Variants in CYFIP1 observed in about 807,000 individuals in gnomAD.
The protein encoded by CYFIP1 is cytoplasmic FMR1 interacting protein 1, also known as cytoplasmic FMR1-interacting protein 1.
CYFIP1 carries 58 observed loss-of-function variants against 163.5 expected under a neutral mutation model. The ratio of observed to expected loss-of-function variants is 0.35; its 90% CI spans 0.29 to 0.44. CYFIP1 has a LOEUF of 0.44. CYFIP1 is among the 20% of genes least tolerant of loss of function. The pLI is 1.00. For missense variants in CYFIP1, 1,338 were observed against 1,653.8 expected (o/e 0.81, Z 3.31); for synonymous variants, 663 against 660.7 (o/e 1.00, Z -0.05).
intron 1 of CYFIP1, among the ~76,000 whole-genome samples, chr15:22,949,677 G>T (rs2062183983): frequency 6.6e-6 from 1 of 152,068 alleles, no homozygotes; most frequent in African/African-American, 2.4e-5. Flanking sequence ...GTATATAATT[G>T]TATAAATCAT....
chr15:22,956,915 TTC>T (rs1194645636), intron 1 of CYFIP1, among the ~76,000 whole-genome samples: 3 of 152,258 alleles, frequency 2.0e-5, no homozygotes, highest in Non-Finnish European at 2.9e-5. Flanking sequence ...ATGTATTTAC[TTC>T]TCTTTCCACC....
intron 11 of CYFIP1, among the ~76,000 whole-genome samples, chr15:22,930,491 C>T (rs370065467): frequency 2.0e-5 from 3 of 151,588 alleles, no homozygotes; most frequent in African/African-American, 7.3e-5. Context: ...CCTAAGGATG[C>T]TCCAGTCAAC....
Position 22,868,479 on chromosome 15 carries a change from A to ATAAT in CYFIP1, c.*1545_*1548dup, listed in dbSNP as rs1217134953. 6.6e-6 allele frequency: 1 copy of ATAAT among 152,204 alleles called. No individual in the cohort carries two copies. The highest frequency in any genetic ancestry group is 1.5e-5 in the Non-Finnish European group (1 of 68,038). 9.4% of individuals were successfully genotyped at this position (152,204 alleles called of 1,614,324 possible). On this transcript the variant is annotated 3_prime_UTR_variant, in exon 31 of 31. Transcript: ENST00000617928. ...ACTTGGTAATTGATTAAGTTTTACC[A>ATAAT]TAATTTTTCATCCTATTCTGTAGTT... is the stretch of plus-strand genomic sequence containing the variant.
intron 11 of CYFIP1, among the ~76,000 whole-genome samples, chr15:22,928,692 G>A (rs1363622265): frequency 1.3e-5 from 2 of 152,228 alleles, no homozygotes; most frequent in African/African-American, 4.8e-5. Flanking sequence ...CCTATGGGGA[G>A]GAAGGGGCAC....
At chr15:22,960,115 C>T (rs965096314) in intron 1 of CYFIP1, among the ~76,000 whole-genome samples, 16 of 152,330 alleles carry the variant, frequency 1.1e-4, no homozygotes, top group Middle Eastern at 6.8e-3. Flanking sequence ...GGCTCCACCA[C>T]TGTGCCCAGC....
In CYFIP1 at chr15:22,881,808, C is replaced by T. The variant is rs754165463; in HGVS notation, c.2911+38G>A. ...GACTTGAATTCCTTTCTGACCTCTC[C>T]ACAGACAGCACTGTGAGCTCCACAC... On this transcript the variant is annotated intron_variant, in intron 25 of 30. Transcript: ENST00000617928. 5.7e-6 allele frequency: 9 copies of T among 1,589,000 alleles called. No individual in the cohort carries two copies. In the African/African-American group the frequency reaches 1.2e-4, roughly 21 times the overall value.
At chr15:22,884,360 T>G (rs1727391964) in intron 23 of CYFIP1, among the ~76,000 whole-genome samples, 1 of 152,200 alleles carries the variant, frequency 6.6e-6, no homozygotes. Context: ...ATGCTCCCAT[T>G]GCAAATGGGA....
At chr15:22,900,187 C>T (rs572352748) in intron 22 of CYFIP1, among the ~76,000 whole-genome samples, 3 of 152,072 alleles carry the variant, frequency 2.0e-5, no homozygotes, top group African/African-American at 7.2e-5. Flanking sequence ...GAAGTCCTTG[C>T]GAGAAGAGAA....
rs1424957084 is a variant in CYFIP1, at chr15:22,918,017, A to G, written c.1527-82T>C. On this transcript the variant is annotated intron_variant, in intron 14 of 30. Coordinates refer to ENST00000617928, the MANE Select transcript of CYFIP1 (RefSeq NM_014608.6). ...AATCACACCATCTCCTCACCCAACTACAAGGCTCTCAGAACAGCCCCCATG... is the reference window on the plus strand; with the variant it reads ...AATCACACCATCTCCTCACCCAACTGCAAGGCTCTCAGAACAGCCCCCATG... 2.0e-6 allele frequency: 3 copies of G among 1,485,334 alleles called. No homozygotes were observed. The African/African-American group carries it at 4.2e-5, about 21-fold the overall frequency. 92.0% of individuals were successfully genotyped at this position (1,485,334 alleles called of 1,614,324 possible).
At chr15:22,944,441 G>C in intron 5 of CYFIP1, 117 bp downstream of exon 5, 2 of 684,980 alleles carry the variant, frequency 2.9e-6, no homozygotes, top group Non-Finnish European at 5.1e-6. Context: ...TCAGAAACTG[G>C]TTGCTTTAAT....
At chr15:22,934,014 T>C (rs924625819) in intron 9 of CYFIP1, 121 bp from the exon 10 acceptor site, 5 of 641,212 alleles carry the variant, frequency 7.8e-6, no homozygotes, top group African/African-American at 5.5e-5. Context: ...CTGCAAATGA[T>C]TCATTACAAA....
rs559020398 is a variant in CYFIP1, at chr15:22,887,333, G to A, written c.2677-4322C>T. On this transcript the variant is annotated intron_variant, in intron 23 of 30. Coordinates refer to ENST00000617928, the MANE Select transcript of CYFIP1 (RefSeq NM_014608.6). ...TGTCTGTCCCAGGCCCAAGCCCTGC[G>A]GCCCGCTGCAACCTTGAAGAAACCA... 7.2e-5 allele frequency among the ~76,000 whole-genome samples: 11 copies of A among 151,872 alleles called. No individual in the cohort carries two copies. The East Asian group carries it at 1.7e-3, about 24-fold the overall frequency.
At position 22,867,174 on chromosome 15, in the gene CYFIP1, G is replaced by A; in HGVS notation, c.*2854C>T. 9.0e-6 allele frequency: 4 copies of A among 442,488 alleles called. No individual in the cohort carries two copies. The highest frequency in any genetic ancestry group is 1.6e-5 in the Non-Finnish European group (4 of 253,236). The allele number at this position is 442,488 out of a possible 1,614,324, so 27.4% of individuals were successfully genotyped here. On this transcript the variant is annotated 3_prime_UTR_variant, in exon 31 of 31. Transcript: ENST00000617928. ...CTTTATTTTTTCATTGGTGATGAAA[G>A]TCTGAAATGTGCATTTGTCATCCCC... is the stretch of plus-strand genomic sequence containing the variant.
rs531583494 is a variant in CYFIP1, at chr15:22,882,865, C to T, written c.2820+3G>A. 25 of 1,612,776 alleles carry T rather than the reference C, an allele frequency of 1.6e-5. No homozygotes were observed. In the Admixed American group the frequency reaches 2.0e-4, roughly 13 times the overall value. ...GAAAGAAGCATGTCCAGGGAACACT[C>T]ACCAGGCTCTTGACGACCTTCAGCA... On this transcript the variant is annotated splice_donor_region_variant and intron_variant, in intron 24 of 30. Transcript: ENST00000617928.
chr15:22,890,683 CG>C (rs2060053814), intron 23 of CYFIP1, among the ~76,000 whole-genome samples: 1 of 145,978 alleles, frequency 6.9e-6, no homozygotes, highest in Admixed American at 6.9e-5. Flanking sequence ...CCAACAGCCT[CG>C]AGAACACGAA....
intron 13 of CYFIP1, among the ~76,000 whole-genome samples, chr15:22,925,402 G>A (rs140752134): frequency 1.2e-4 from 19 of 152,310 alleles, no homozygotes; most frequent in African/African-American, 4.6e-4. Context: ...GCATTGTCAC[G>A]TGACCAGCTA....
chr15:22,949,652 A>C (rs894484053), intron 1 of CYFIP1, among the ~76,000 whole-genome samples: 11 of 152,226 alleles, frequency 7.2e-5, no homozygotes, highest in Non-Finnish European at 1.3e-4. Flanking sequence ...CAAGTAAATT[A>C]TAAAATATTT....
intron 17 of CYFIP1, among the ~76,000 whole-genome samples, chr15:22,913,577 T>TAAAA (rs2060863972): frequency 1.2e-5 from 1 of 84,152 alleles, no homozygotes; most frequent in Non-Finnish European, 2.5e-5. Context: ...AAGAAAAAAT[T>TAAAA]ACACCAACGG....
At chr15:22,905,842 C>G (rs1018842904) in intron 21 of CYFIP1, among the ~76,000 whole-genome samples, 2 of 152,088 alleles carry the variant, frequency 1.3e-5, no homozygotes, top group Non-Finnish European at 2.9e-5. Context: ...TCACTGCAAC[C>G]TCTGTCTCCC....
Sources: allele counts gnomAD v4.1 joint callset (sites outside exome capture counted in the v4.1 genomes callset), GRCh38; gene constraint gnomAD v4.1.1; transcripts MANE v1.5; gene names NCBI Gene and HGNC (gene_info 2026-07-23, HGNC 2026-07-21).